Variants in ALPK2 observed in about 807,000 individuals in gnomAD.
ALPK2 encodes alpha kinase 2, also known as alpha-protein kinase 2.
In ALPK2, 127 loss-of-function variants were observed where a neutral mutation model predicts 163.1. That is an observed-to-expected ratio of 0.78 (90% CI 0.67 to 0.90). The LOEUF (loss-of-function observed/expected upper bound fraction) is 0.90. ALPK2 is among the 40% of genes least tolerant of loss of function. The pLI is 0.00. For missense variants in ALPK2, 2,360 were observed against 2,589.6 expected, an observed-to-expected ratio of 0.91 and a Z score of 1.92; for synonymous variants, 953 against 959.1, an observed-to-expected ratio of 0.99 and a Z score of 0.12.
chr18:58,499,748 C>A (rs2051421858), intron 11 of ALPK2, among the ~76,000 whole-genome samples: 1 of 152,248 alleles, frequency 6.6e-6, no homozygotes. Flanking sequence ...GCTCCATGGG[C>A]CGGGCTGTGA....
At chr18:58,543,011 C>T (rs1433266010) in intron 4 of ALPK2, among the ~76,000 whole-genome samples, 1 of 152,094 alleles carries the variant, frequency 6.6e-6, no homozygotes, top group Non-Finnish European at 1.5e-5. Flanking sequence ...GGGAGCTCTG[C>T]CCTCATAGAG....
At chr18:58,533,804 A>G (rs111822842) in intron 5 of ALPK2, among the ~76,000 whole-genome samples, 227 of 152,278 alleles carry the variant, frequency 1.5e-3, no homozygotes, top group African/African-American at 5.2e-3. Context: ...ACCTGATTGG[A>G]TACTTCCAAA....
chr18:58,497,741 C>A (rs1027065630), intron 12 of ALPK2, among the ~76,000 whole-genome samples: 2 of 151,920 alleles, frequency 1.3e-5, no homozygotes, highest in African/African-American at 4.8e-5. Flanking sequence ...CGGAATATTC[C>A]CAGTTAAAAG....
At chr18:58,501,476 T>C (rs1468271734) in intron 11 of ALPK2, among the ~76,000 whole-genome samples, 4 of 152,216 alleles carry the variant, frequency 2.6e-5, no homozygotes, top group African/African-American at 9.6e-5. Flanking sequence ...AAGGCGGTAA[T>C]GTTGCATTTC....
At chr18:58,602,332 A>T (rs1003279242) in intron 3 of ALPK2, among the ~76,000 whole-genome samples, 2 of 152,200 alleles carry the variant, frequency 1.3e-5, no homozygotes, top group African/African-American at 4.8e-5. Flanking sequence ...GGGCTGTGTA[A>T]CAAACTACCG....
chr18:58,594,139 A>T (rs1441636838), intron 3 of ALPK2, among the ~76,000 whole-genome samples: 1 of 152,146 alleles, frequency 6.6e-6, no homozygotes, highest in Non-Finnish European at 1.5e-5. Flanking sequence ...TAGAGCCAGG[A>T]TCTTTTCCTG....
rs1229176909 is a variant in ALPK2 at position 58,537,852 on chromosome 18, G to A, written c.2335C>T (p.Pro779Ser). 1.9e-6 allele frequency: 3 copies of A among 1,614,114 alleles called. No individual in the cohort carries two copies. The highest frequency in any genetic ancestry group is 1.7e-6 in the Non-Finnish European group (2 of 1,180,018). The change falls in exon 5 of 13, where the codon CCT (proline) becomes TCT (serine). Residue 779 changes from proline to serine, a missense_variant. Physicochemically the swap from Pro to Ser is moderately conservative, Grantham distance 74. Transcript: ENST00000361673. ...REPVAVSVAS[P>S]EPTDTALTLE... is the part of the protein sequence containing the mutation. The stretch of plus-strand genomic sequence containing the variant: ...GTGAGGGCAGTATCTGTGGGTTCAG[G>A]GGAAGCAACAGAGACAGCCACAGGC...
At chr18:58,568,336 G>A (rs1464078728) in intron 4 of ALPK2, among the ~76,000 whole-genome samples, 1 of 152,174 alleles carries the variant, frequency 6.6e-6, no homozygotes, top group Non-Finnish European at 1.5e-5. Flanking sequence ...GAAATCACGG[G>A]CAAGGACTCC....
At chr18:58,573,700 A>ATT (rs1680001414) in intron 4 of ALPK2, among the ~76,000 whole-genome samples, 1 of 143,286 alleles carries the variant, frequency 7.0e-6, no homozygotes, top group Non-Finnish European at 1.5e-5. Context: ...TCATAGGATA[A>ATT]TAGTGGAGAG....
chr18:58,585,982 C>A (rs1568093886), intron 3 of ALPK2, among the ~76,000 whole-genome samples: 1 of 152,126 alleles, frequency 6.6e-6, no homozygotes, highest in Non-Finnish European at 1.5e-5. Context: ...CAATGCCCAG[C>A]CCTATATTGC....
chr18:58,617,376 G>A (rs534486260), intron 1 of ALPK2, among the ~76,000 whole-genome samples: 17 of 151,912 alleles, frequency 1.1e-4, no homozygotes, highest in South Asian at 6.2e-4. Flanking sequence ...TAGTAGAGAC[G>A]GGGTTTCACC....
chr18:58,503,455 G>C (rs575850331), intron 11 of ALPK2, among the ~76,000 whole-genome samples: 3 of 152,214 alleles, frequency 2.0e-5, no homozygotes, highest in Admixed American at 1.3e-4. Context: ...ACTTTTGGAG[G>C]CCAGTGTGGG....
intron 4 of ALPK2, among the ~76,000 whole-genome samples, chr18:58,555,867 G>T (rs1259597263): frequency 1.3e-5 from 2 of 152,138 alleles, no homozygotes; most frequent in Non-Finnish European, 2.9e-5. Flanking sequence ...TGTCACCCAG[G>T]CTGGAGTGCA....
chr18:58,488,036 G>A lies in ALPK2; in HGVS notation c.6297-5997C>T, dbSNP rs56395639. Among the ~76,000 whole-genome samples the A allele has an allele frequency of 7.7e-3, 1,167 of 152,126 alleles. 7 individuals carry two copies. The highest frequency in any genetic ancestry group is 0.013 in the Non-Finnish European group (869 of 67,996). ...ATTTTCTGCATTTCTACCAGGCTCTGGGGGGTATTGATGTCACTGGTCCAG... is the reference window on the plus strand; with the variant it reads ...ATTTTCTGCATTTCTACCAGGCTCTAGGGGGTATTGATGTCACTGGTCCAG... On this transcript the variant is annotated intron_variant, in intron 12 of 12. Coordinates refer to ENST00000361673, the MANE Select transcript of ALPK2 (RefSeq NM_052947.4).
At chr18:58,523,747 C>A in intron 8 of ALPK2, 59 bp downstream of exon 8, 3 of 1,603,472 alleles carry the variant, frequency 1.9e-6, no homozygotes, top group Non-Finnish European at 1.7e-6. Context: ...CCTCTGGGAG[C>A]TATTTTATGC....
chr18:58,620,777 C>T (rs12960082), intron 1 of ALPK2, among the ~76,000 whole-genome samples: 9,711 of 152,254 alleles, frequency 0.064, 414 homozygotes, highest in South Asian at 0.1. Flanking sequence ...ATAGCAAAAG[C>T]TAAATGTCCA....
chr18:58,492,441 A>C (rs1264074557), intron 12 of ALPK2, among the ~76,000 whole-genome samples: 2 of 151,958 alleles, frequency 1.3e-5, no homozygotes, highest in Non-Finnish European at 2.9e-5. Flanking sequence ...GTGACACTAC[A>C]TTGGCTTAGA....
Position 58,537,426 on chromosome 18 carries a change from G to C in ALPK2, c.2761C>G (p.Leu921Val). Residue 921 changes from leucine (L) to valine (V), a missense_variant, in exon 5 of 13, where the codon CTG (leucine) becomes GTG (valine). Physicochemically the swap from Leu to Val is conservative, Grantham distance 32. Transcript: ENST00000361673. ...LAKVENSTYP[L>V]ASTVHAGQEQ... ...TGGCCAGCATGTACTGTGGAGGCCAGTGGGTAGGTGGAATTCTCCACCTTG... is the reference window on the plus strand; with the variant it reads ...TGGCCAGCATGTACTGTGGAGGCCACTGGGTAGGTGGAATTCTCCACCTTG... 1.2e-6 allele frequency: 2 copies of C among 1,613,420 alleles called. No homozygotes were observed. Among genetic ancestry groups the C allele is most frequent in the Middle Eastern group, 1.7e-4 (1 of 6,056 alleles).
At chr18:58,501,491 C>T (rs1039646574) in intron 11 of ALPK2, among the ~76,000 whole-genome samples, 7 of 152,228 alleles carry the variant, frequency 4.6e-5, no homozygotes, top group Non-Finnish European at 7.3e-5. Context: ...CATTTCCCAG[C>T]TGGCTTGCAA....
Sources: gnomAD v4.1 joint callset for allele counts (sites outside exome capture counted in the v4.1 genomes callset) on GRCh38, gnomAD v4.1.1 for gene constraint, MANE v1.5 for transcripts, NCBI Gene and HGNC (gene_info 2026-07-23, HGNC 2026-07-21) for gene names.